NCAM2: variants seen among roughly 807,000 people sequenced by gnomAD.
NCAM2 encodes N-CAM-2.
NCAM2 carries 30 observed loss-of-function variants against 98.1 expected under a neutral mutation model. That is an observed-to-expected ratio of 0.31 (90% CI 0.23 to 0.41). The LOEUF (loss-of-function observed/expected upper bound fraction) is 0.41, where lower values mean the gene tolerates loss of function less well. NCAM2 is among the 10% of genes least tolerant of loss of function. NCAM2 has a pLI of 1.00. For missense variants in NCAM2, 867 were observed against 1,005.8 expected (o/e 0.86, Z 1.87); for synonymous variants, 368 against 342.4 (o/e 1.07, Z -0.83).
intron 1 of NCAM2, among the ~76,000 whole-genome samples, chr21:21,186,737 A>T (rs1658289446): frequency 6.6e-6 from 1 of 152,188 alleles, no homozygotes; most frequent in Admixed American, 6.5e-5. Context: ...ATAAAAGATG[A>T]TCTACATGAT....
chr21:21,343,812 A>G (rs530537921), intron 8 of NCAM2, among the ~76,000 whole-genome samples: 70 of 152,272 alleles, frequency 4.6e-4, no homozygotes, highest in African/African-American at 1.6e-3. Context: ...ACTCTAGGCC[A>G]TAAGGACTGC....
At chr21:21,508,807 CCTTTT>C in intron 15 of NCAM2, 39 bp from the exon 16 acceptor site, 2 of 705,750 alleles carry the variant, frequency 2.8e-6, no homozygotes, top group Non-Finnish European at 4.0e-6. Context: ...TACTTTTTTT[CCTTTT>C]TTTTTTTTTT....
intron 15 of NCAM2, among the ~76,000 whole-genome samples, chr21:21,487,361 T>G (rs1192567352): frequency 6.6e-6 from 1 of 151,996 alleles, no homozygotes; most frequent in Non-Finnish European, 1.5e-5. Flanking sequence ...TTTAAACTTA[T>G]TTTAAGTATC....
intron 1 of NCAM2, among the ~76,000 whole-genome samples, chr21:21,256,649 C>A (rs185123962): frequency 1.3e-5 from 2 of 152,126 alleles, no homozygotes. Flanking sequence ...TGTCATGAAT[C>A]CAGATACTGA....
In NCAM2 at chr21:21,240,372, T is replaced by TA. The variant is rs33958717; in HGVS notation, c.56-40193dup. 2.2e-3 allele frequency among the ~76,000 whole-genome samples: 317 copies of TA among 142,238 alleles called. 2 individuals carry two copies. The highest frequency in any genetic ancestry group is 6.8e-3 in the Admixed American group (96 of 14,200). 93.3% of individuals were successfully genotyped at this position (142,238 alleles called of 152,430 possible). A position where few individuals can be genotyped will look rare whatever the true frequency, so the allele number is the denominator to read the frequency against. ...ATATTATATAATTTTGCTAAAATGCTAAAAAAAAAAAAAGCAAAAAAAGCT... is the reference window on the plus strand; with the variant it reads ...ATATTATATAATTTTGCTAAAATGCTAAAAAAAAAAAAAAGCAAAAAAAGCT... On this transcript the variant is annotated intron_variant, in intron 1 of 17. Coordinates refer to ENST00000400546, the MANE Select transcript of NCAM2 (RefSeq NM_004540.5).
At chr21:20,999,174 G>A (rs8129419) in intron 1 of NCAM2, among the ~76,000 whole-genome samples, 11,312 of 152,066 alleles carry the variant, frequency 0.074, 900 homozygotes, top group African/African-American at 0.2. Context: ...GAGAGGGGCC[G>A]TGGATATTGT....
intron 15 of NCAM2, among the ~76,000 whole-genome samples, chr21:21,481,253 A>T (rs1015024388): frequency 1.6e-4 from 24 of 151,526 alleles, no homozygotes; most frequent in African/African-American, 5.6e-4. Flanking sequence ...AGTTCCAAGG[A>T]ACTATCATAT....
intron 1 of NCAM2, among the ~76,000 whole-genome samples, chr21:21,185,912 C>T (rs1417009965): frequency 1.3e-5 from 2 of 151,978 alleles, no homozygotes; most frequent in East Asian, 1.9e-4. Flanking sequence ...AAAAATGCAG[C>T]CCGAACTAAC....
At position 21,540,138 on chromosome 21, in the gene NCAM2, C is replaced by T. The variant is rs1229126206; in HGVS notation, c.*2181C>T. The T allele has an allele frequency of 6.6e-6, 1 of 152,000 alleles. No individual in the cohort carries two copies. Among genetic ancestry groups the T allele is most frequent in the Non-Finnish European group, 1.5e-5 (1 of 68,004 alleles). The allele number at this position is 152,000 out of a possible 1,614,324, so 9.4% of individuals were successfully genotyped here. On this transcript the variant is annotated 3_prime_UTR_variant, in exon 18 of 18. Transcript: ENST00000400546. ...TTACTATTGTTATATTCGTGCTTTA[C>T]TTCAAGAGTGCAGAAATCATAATAA... is the stretch of plus-strand genomic sequence containing the variant.
At chr21:21,376,475 G>C (rs1409910258) in intron 9 of NCAM2, among the ~76,000 whole-genome samples, 1 of 151,690 alleles carries the variant, frequency 6.6e-6, no homozygotes, top group African/African-American at 2.4e-5. Flanking sequence ...CATGTATTCA[G>C]ATTTCAAAGT....
chr21:21,231,498 A>C (rs2070623894), intron 1 of NCAM2, among the ~76,000 whole-genome samples: 1 of 151,434 alleles, frequency 6.6e-6, no homozygotes, highest in Non-Finnish European at 1.5e-5. Context: ...CTATAGAATT[A>C]ATGCATATTA....
At chr21:21,184,994 T>G (rs1601592640) in intron 1 of NCAM2, among the ~76,000 whole-genome samples, 1 of 152,232 alleles carries the variant, frequency 6.6e-6, no homozygotes, top group East Asian at 1.9e-4. Flanking sequence ...ACTAATTTAG[T>G]CAGTGTGGAC....
chr21:21,272,467 C>T (rs1175799421), intron 1 of NCAM2, among the ~76,000 whole-genome samples: 2 of 149,886 alleles, frequency 1.3e-5, no homozygotes, highest in Non-Finnish European at 3.0e-5. Context: ...ACACATATAC[C>T]AGAAAAAAAC....
At chr21:21,423,986 C>T (rs914535209) in intron 11 of NCAM2, among the ~76,000 whole-genome samples, 8 of 152,094 alleles carry the variant, frequency 5.3e-5, no homozygotes, top group Non-Finnish European at 1.2e-4. Flanking sequence ...TTTATCTTAG[C>T]CAGACCTTTG....
At chr21:21,482,586 G>A (rs986353229) in intron 15 of NCAM2, among the ~76,000 whole-genome samples, 1 of 151,626 alleles carries the variant, frequency 6.6e-6, no homozygotes, top group African/African-American at 2.4e-5. Flanking sequence ...GTAAACAATA[G>A]GGTAAGTCTA....
chr21:21,473,202 G>A (rs1015895923), intron 14 of NCAM2, among the ~76,000 whole-genome samples: 4 of 150,854 alleles, frequency 2.7e-5, no homozygotes, highest in Admixed American at 6.6e-5. Context: ...CTGGTCTCTC[G>A]ATGAATCTGA....
chr21:21,415,850 A>G (rs558434432), intron 10 of NCAM2, among the ~76,000 whole-genome samples: 1 of 152,296 alleles, frequency 6.6e-6, no homozygotes, highest in South Asian at 2.1e-4. Flanking sequence ...CTTTGGCTTA[A>G]GGGAGTATTG....
At chr21:21,060,864 G>A (rs567359487) in intron 1 of NCAM2, among the ~76,000 whole-genome samples, 1 of 152,186 alleles carries the variant, frequency 6.6e-6, no homozygotes, top group South Asian at 2.1e-4. Context: ...CTTGAATGCA[G>A]GGCAAGTCAT....
At chr21:21,147,193 C>G in intron 1 of NCAM2, 1 of 973,928 alleles carries the variant, frequency 1.0e-6, no homozygotes, top group Non-Finnish European at 1.2e-6. Context: ...CCTTCTACTT[C>G]AGCACATGGA....
Sources: gnomAD v4.1 joint callset for allele counts (sites outside exome capture counted in the v4.1 genomes callset) on GRCh38, gnomAD v4.1.1 for gene constraint, MANE v1.5 for transcripts, NCBI Gene and HGNC (gene_info 2026-07-23, HGNC 2026-07-21) for gene names.